The following CREM variants were observed in gnomAD, a reference collection of about 807,000 sequenced individuals.
CREM encodes the protein cAMP responsive element modulator.
A neutral mutation model predicts 37.3 loss-of-function variants in CREM; 13 were observed. The ratio of observed to expected loss-of-function variants is 0.35; its 90% CI spans 0.23 to 0.55. CREM has a LOEUF of 0.55. Ranked by LOEUF, CREM falls within the 20% of genes least tolerant of loss-of-function variation. The pLI, the probability that CREM is intolerant of heterozygous loss-of-function variation, is 0.88. For missense variants in CREM, 296 were observed against 362.3 expected (o/e 0.82, Z 1.49); for synonymous variants, 124 against 120.2 (o/e 1.03, Z -0.21).
At chr10:35,133,373 T>A (rs971905367) in intron 1 of CREM, among the ~76,000 whole-genome samples, 2 of 151,282 alleles carry the variant, frequency 1.3e-5, no homozygotes, top group African/African-American at 4.9e-5. Context: ...AATGGAGCAA[T>A]CTCGGCTCAC....
chr10:35,158,419 A>G, intron 3 of CREM: 1 of 293,586 alleles, frequency 3.4e-6, no homozygotes, highest in Non-Finnish European at 6.9e-6. Flanking sequence ...AGGCCAAAGA[A>G]GTAGCTTAGG....
intron 6 of CREM, chr10:35,195,257 G>T: frequency 6.2e-7 from 1 of 1,610,848 alleles, no homozygotes; most frequent in Non-Finnish European, 8.5e-7. Flanking sequence ...TGTGCAGATT[G>T]TTTTGAAGTT....
intron 3 of CREM, among the ~76,000 whole-genome samples, chr10:35,164,249 T>A (rs1173757936): frequency 6.6e-6 from 1 of 152,240 alleles, no homozygotes; most frequent in African/African-American, 2.4e-5. Context: ...ATCTGGTCAA[T>A]GTGCAATAAA....
chr10:35,131,768 C>G (rs1333337804), intron 1 of CREM, among the ~76,000 whole-genome samples: 3 of 152,204 alleles, frequency 2.0e-5, no homozygotes, highest in Middle Eastern at 6.8e-3. Context: ...GTCAGATTTA[C>G]TATCTAGTAG....
intron 3 of CREM, among the ~76,000 whole-genome samples, chr10:35,156,833 T>G (rs1482315636): frequency 1.3e-5 from 2 of 152,200 alleles, no homozygotes; most frequent in African/African-American, 2.4e-5. Flanking sequence ...CAGACATAGT[T>G]CAGGAAAAAC....
chr10:35,211,347 C>T lies in CREM; in HGVS notation c.849C>T (p.Leu283=), dbSNP rs1565027539. Reference sequence around the variant, plus strand: ...TGCTTGAAAACCAAAACAAGACTCTCATTGAGGAACTCAAGGCCCTCAAAG... The same window carrying T: ...TGCTTGAAAACCAAAACAAGACTCTTATTGAGGAACTCAAGGCCCTCAAAG... The part of the protein sequence containing the change: ...VAVLENQNKT[L]IEELKALKDL... Residue 283 remains leucine (L), a synonymous_variant, in exon 8 of 8, where the codon CTC becomes CTT. Transcript: ENST00000685392. 1 of 1,614,086 alleles carries T rather than the reference C, an allele frequency of 6.2e-7. No homozygotes were observed. The highest frequency in any genetic ancestry group is 8.5e-7 in the Non-Finnish European group (1 of 1,179,994).
At chr10:35,142,361 G>A in intron 2 of CREM, among the ~76,000 whole-genome samples, 1 of 152,176 alleles carries the variant, frequency 6.6e-6, no homozygotes, top group African/African-American at 2.4e-5. Context: ...GAGGAGGCAG[G>A]AGGCAAGGGA....
chr10:35,191,086 T>TTTTATTTATTTATTTATTTATTTATTTA (rs10528009), intron 6 of CREM, among the ~76,000 whole-genome samples: 3,156 of 148,026 alleles, frequency 0.021, 58 homozygotes, highest in East Asian at 0.096. Context: ...ACATTTTTCT[T>TTTTATTTATTTATTTATTTATTTATTTA]TTTATTTATT....
rs2087903010 is a variant in CREM, at chr10:35,127,080, CT to C, written c.-167del. Reference sequence around the variant, plus strand: ...GAGGACTACGTGGGGCCGCTGCCGGCTCCGGGTTGCTGGGCGGCGGCGCCGC... The same window carrying C: ...GAGGACTACGTGGGGCCGCTGCCGGCCCGGGTTGCTGGGCGGCGGCGCCGC... On this transcript the variant is annotated 5_prime_UTR_variant, in exon 1 of 8. Coordinates refer to ENST00000685392, the MANE Select transcript of CREM (RefSeq NM_183011.2). The C allele has an allele frequency of 6.5e-6, 1 of 152,748 alleles. No individual in the cohort carries two copies. The highest frequency in any genetic ancestry group is 2.4e-5 in the African/African-American group (1 of 41,464). The allele number at this position is 152,748 out of a possible 1,614,324, so 9.5% of individuals were successfully genotyped here. A position where few individuals can be genotyped will look rare whatever the true frequency, so the allele number is the denominator to read the frequency against.
chr10:35,178,362 A>T (rs995923115), intron 3 of CREM, among the ~76,000 whole-genome samples: 1 of 152,112 alleles, frequency 6.6e-6, no homozygotes, highest in African/African-American at 2.4e-5. Context: ...AGAAATCCTG[A>T]TTTTACCCAG....
At chr10:35,144,031 A>G (rs939874891) in intron 2 of CREM, among the ~76,000 whole-genome samples, 2 of 152,204 alleles carry the variant, frequency 1.3e-5, no homozygotes, top group African/African-American at 4.8e-5. Flanking sequence ...TGATTCTGGC[A>G]TGGGTGCAGG....
chr10:35,211,327 G>C lies in CREM; in HGVS notation c.829G>C (p.Glu277Gln), dbSNP rs1265445472. ...TCTTGAAAATCGTGTGGCTGTGCTT[G>C]AAAACCAAAACAAGACTCTCATTGA... ...KCLENRVAVL[E>Q]NQNKTLIEEL... Residue 277 changes from glutamate (E) to glutamine (Q), a missense_variant, in exon 8 of 8, where the codon GAA becomes CAA. Physicochemically the swap from Glu to Gln is conservative, Grantham distance 29 (BLOSUM62 2). Coordinates refer to ENST00000685392, the MANE Select transcript of CREM (RefSeq NM_183011.2). 4.3e-6 allele frequency: 7 copies of C among 1,613,988 alleles called. No homozygotes were observed. The highest frequency in any genetic ancestry group is 5.1e-6 in the Non-Finnish European group (6 of 1,180,028).
At chr10:35,198,425 A>G (rs1423067881) in intron 6 of CREM, among the ~76,000 whole-genome samples, 5 of 151,812 alleles carry the variant, frequency 3.3e-5, no homozygotes, top group Non-Finnish European at 7.4e-5. Context: ...CGGGAAGCTG[A>G]GGCAAGAGAA....
At chr10:35,187,177 T>TATATA in intron 5 of CREM, among the ~76,000 whole-genome samples, 1 of 42,192 alleles carries the variant, frequency 2.4e-5, no homozygotes, top group African/African-American at 8.6e-5. Context: ...ATATTAATAT[T>TATATA]AATATATAAA....
chr10:35,191,274 A>G (rs923694741), intron 6 of CREM, among the ~76,000 whole-genome samples: 1 of 152,056 alleles, frequency 6.6e-6, no homozygotes, highest in Non-Finnish European at 1.5e-5. Context: ...AATACGGATT[A>G]TTTTAAGTCG....
intron 3 of CREM, among the ~76,000 whole-genome samples, chr10:35,166,824 C>T (rs1402188756): frequency 6.6e-6 from 1 of 152,116 alleles, no homozygotes; most frequent in Non-Finnish European, 1.5e-5. Flanking sequence ...TTGTCTTACT[C>T]AGCACAATCA....
intron 3 of CREM, among the ~76,000 whole-genome samples, chr10:35,151,628 TCTC>T (rs1251946045): frequency 2.0e-5 from 3 of 152,198 alleles, no homozygotes; most frequent in Non-Finnish European, 4.4e-5. Context: ...CCTGCTTTGA[TCTC>T]CTGAAGTGCT....
chr10:35,161,675 G>A lies in CREM; in HGVS notation c.168+13184G>A, dbSNP rs1362819499. On this transcript the variant is annotated intron_variant, in intron 3 of 7. Transcript: ENST00000685392. Reference sequence around the variant, plus strand: ...GAGACTGTCTCACCAAAAAAAAAAAGCTCGACATCATTAATCATCAGGGAA... The same window carrying A: ...GAGACTGTCTCACCAAAAAAAAAAAACTCGACATCATTAATCATCAGGGAA... Among the ~76,000 whole-genome samples the A allele has an allele frequency of 3.5e-5, 5 of 144,742 alleles. No homozygotes were observed. The East Asian group carries it at 1.0e-3, about 29-fold the overall frequency. The allele number at this position is 144,742 out of a possible 152,430, so 95.0% of individuals were successfully genotyped here.
intron 5 of CREM, among the ~76,000 whole-genome samples, chr10:35,183,797 G>A (rs757268404): frequency 7.2e-5 from 11 of 152,176 alleles, no homozygotes; most frequent in Non-Finnish European, 1.5e-4. Context: ...AACATGGGCC[G>A]GGCGTGATGG....
Sources: allele counts gnomAD v4.1 joint callset (sites outside exome capture counted in the v4.1 genomes callset), GRCh38; gene constraint gnomAD v4.1.1; transcripts MANE v1.5; gene names NCBI Gene and HGNC (gene_info 2026-07-23, HGNC 2026-07-21).